Variants in WDFY3 observed in about 807,000 individuals in gnomAD.
The protein encoded by WDFY3 is WD repeat and FYVE domain-containing protein 3.
In WDFY3, 66 loss-of-function variants were observed where a neutral mutation model predicts 409.6. That is an observed-to-expected ratio of 0.16 (90% CI 0.13 to 0.20). The LOEUF is 0.20. Among genes scored for constraint, WDFY3 ranks in the 10% least tolerant of loss-of-function variants. The pLI is 1.00. For missense variants in WDFY3, 3,031 were observed against 4,298.1 expected (o/e 0.71, Z 8.24); for synonymous variants, 1,521 against 1,537.1 (o/e 0.99, Z 0.25).
At chr4:84,755,130 C>T (rs1578377071) in intron 34 of WDFY3, 136 bp downstream of exon 34, 1 of 1,287,764 alleles carries the variant, frequency 7.8e-7, no homozygotes, top group East Asian at 2.6e-5. Flanking sequence ...ATAATTTTGT[C>T]TAACATAAGA....
At chr4:84,933,450 A>G (rs1190726346) in intron 1 of WDFY3, among the ~76,000 whole-genome samples, 1 of 152,024 alleles carries the variant, frequency 6.6e-6, no homozygotes, top group African/African-American at 2.4e-5. Context: ...GGTACATGAG[A>G]TGTTTTAATA....
chr4:84,713,751 A>G (rs2149025282), intron 50 of WDFY3, among the ~76,000 whole-genome samples: 1 of 152,336 alleles, frequency 6.6e-6, no homozygotes, highest in African/African-American at 2.4e-5. Flanking sequence ...GTTAGTTCAG[A>G]ATAGCCTTAT....
In WDFY3 at chr4:84,688,190, G is replaced by A. The variant is rs150572140; in HGVS notation, c.9439C>T (p.Arg3147Cys). 12 of 1,614,100 alleles carry A rather than the reference G, an allele frequency of 7.4e-6. No homozygotes were observed. The highest frequency in any genetic ancestry group is 4.0e-5 in the African/African-American group (3 of 75,028). Residue 3147 changes from arginine (R) to cysteine (C), a missense_variant, in exon 62 of 68, where the codon CGT becomes TGT. Physicochemically the swap from Arg to Cys is radical, Grantham distance 180 (BLOSUM62 -3). This residue lies in a region of WDFY3 where 8 missense variants were observed against 30.3 expected (regional missense o/e 0.26). Transcript: ENST00000295888. ...TCCCAAATGATACAGGTTCGATCAC[G>A]GGACCCACTGACAATTATGTGATAG... The part of the protein sequence containing the change: ...LAYHIIVSGS[R>C]DRTCIIWDLN...
At chr4:84,731,503 G>A (rs770443286) in intron 44 of WDFY3, among the ~76,000 whole-genome samples, 6 of 152,120 alleles carry the variant, frequency 3.9e-5, no homozygotes, top group Non-Finnish European at 5.9e-5. Context: ...CTTCCTGACT[G>A]CTTTTTCCTT....
intron 5 of WDFY3, chr4:84,844,430 T>A (rs1175824431): frequency 2.3e-6 from 3 of 1,287,540 alleles, no homozygotes; most frequent in Admixed American, 4.6e-5. Context: ...TGACAATATA[T>A]AACCACATCT....
At chr4:84,705,605 A>G (rs1204399693) in intron 53 of WDFY3, 94 bp from the exon 54 acceptor site, 2 of 977,736 alleles carry the variant, frequency 2.0e-6, no homozygotes, top group Non-Finnish European at 3.2e-6. Context: ...ATGATGATTT[A>G]TAAACGCACT....
intron 17 of WDFY3, among the ~76,000 whole-genome samples, chr4:84,799,204 T>A (rs915931983): frequency 2.6e-5 from 4 of 152,142 alleles, no homozygotes; most frequent in Admixed American, 2.6e-4. Context: ...TCACTCAGAC[T>A]GGAGTGCAGT....
chr4:84,909,097 G>C (rs1342663917), intron 2 of WDFY3, among the ~76,000 whole-genome samples: 3 of 151,718 alleles, frequency 2.0e-5, no homozygotes, highest in Non-Finnish European at 4.4e-5. Flanking sequence ...CATAATACAG[G>C]GATAGAGTAA....
rs112680925 is a variant in WDFY3 at position 84,865,540 on chromosome 4, T to A, written c.-31-4918A>T. 3.3e-4 allele frequency among the ~76,000 whole-genome samples: 51 copies of A among 152,366 alleles called. 1 individual carries two copies. Among genetic ancestry groups the A allele is most frequent in the African/African-American group, 1.0e-3 (43 of 41,590 alleles). On this transcript the variant is annotated intron_variant, in intron 3 of 67. Coordinates refer to ENST00000295888, the MANE Select transcript of WDFY3 (RefSeq NM_014991.6). ...GGATGTCTGATCACCCTGGCCTGCC[T>A]TCGGCAAAAATCTTGTTAGGTCAGT...
chr4:84,787,602 A>G lies in WDFY3; in HGVS notation c.3781T>C (p.Leu1261=), dbSNP rs1050816531. The part of the protein sequence containing the change: ...TPPAQRQIAS[L]VWRLGPTHFL... ...TGTGTGGGTCCCAGGCGCCAAACCAATGAGGCAATTTGGCGTTGGGCAGGT... is the reference window on the plus strand; with the variant it reads ...TGTGTGGGTCCCAGGCGCCAAACCAGTGAGGCAATTTGGCGTTGGGCAGGT... Residue 1261 remains leucine (L), a synonymous_variant, in exon 23 of 68, where the codon TTG becomes CTG. Transcript: ENST00000295888. The G allele has an allele frequency of 3.1e-6, 5 of 1,614,074 alleles. No homozygotes were observed. Among genetic ancestry groups the G allele is most frequent in the African/African-American group, 1.3e-5 (1 of 74,926 alleles).
intron 36 of WDFY3, among the ~76,000 whole-genome samples, chr4:84,745,778 C>T (rs749434645): frequency 6.6e-6 from 1 of 151,986 alleles, no homozygotes; most frequent in Non-Finnish European, 1.5e-5. Flanking sequence ...AATACAATAG[C>T]GAGCAGGAGA....
At position 84,693,005 on chromosome 4, in the gene WDFY3, G is replaced by A. The variant is rs1406414804; in HGVS notation, c.8929C>T (p.Arg2977Ter). Residue 2977 changes from arginine to a stop codon, truncating the protein, a stop_gained, in exon 59 of 68, where the codon CGA (arginine) becomes TGA (stop). Coordinates refer to ENST00000295888, the MANE Select transcript of WDFY3 (RefSeq NM_014991.6). LOFTEE classifies it high-confidence loss of function. ...QLFKKPHPPKRVRSRLNGDNA... is the reference protein window; with the variant it reads ...QLFKKPHPPK ...TCTCCATTGAGTCGACTTCTCACTC[G>A]CTTTGGTGGATGAGGTTTTTTAAAT... 1 of 1,610,754 alleles carries A rather than the reference G, an allele frequency of 6.2e-7. No individual in the cohort carries two copies. Among genetic ancestry groups the A allele is most frequent in the Non-Finnish European group, 8.5e-7 (1 of 1,179,396 alleles).
chr4:84,926,527 T>C (rs1165073735), intron 2 of WDFY3, among the ~76,000 whole-genome samples: 1 of 152,196 alleles, frequency 6.6e-6, no homozygotes, highest in Admixed American at 6.5e-5. Flanking sequence ...TACATTTTCC[T>C]GAGTTCCCTT....
chr4:84,940,730 C>T (rs751222784), intron 1 of WDFY3, among the ~76,000 whole-genome samples: 6 of 151,916 alleles, frequency 3.9e-5, no homozygotes, highest in Non-Finnish European at 8.8e-5. Context: ...GAAAAAAAGA[C>T]TAGAAATTTC....
chr4:84,696,848 T>C, intron 56 of WDFY3, 25 bp from the exon 57 acceptor site: 1 of 1,568,602 alleles, frequency 6.4e-7, no homozygotes, highest in Non-Finnish European at 8.7e-7. Context: ...ACATTAAAAA[T>C]AAAAAAAAAG....
intron 2 of WDFY3, among the ~76,000 whole-genome samples, chr4:84,924,030 T>G (rs1769654038): frequency 6.6e-6 from 1 of 152,206 alleles, no homozygotes; most frequent in Non-Finnish European, 1.5e-5. Context: ...AATAGAAACA[T>G]TTATATAAAT....
chr4:84,918,815 GTA>G (rs759569387), intron 2 of WDFY3, among the ~76,000 whole-genome samples: 10,042 of 138,378 alleles, frequency 0.073, 455 homozygotes, highest in Admixed American at 0.14. Flanking sequence ...GTGTGTGTGT[GTA>G]TATATATATA....
intron 3 of WDFY3, among the ~76,000 whole-genome samples, chr4:84,869,443 T>C (rs188426106): frequency 6.6e-6 from 1 of 152,322 alleles, no homozygotes; most frequent in East Asian, 1.9e-4. Flanking sequence ...TTTCTTCTTT[T>C]CTAATTTTGG....
intron 5 of WDFY3, among the ~76,000 whole-genome samples, chr4:84,846,739 A>G (rs1200342709): frequency 1.3e-5 from 2 of 151,758 alleles, no homozygotes; most frequent in Admixed American, 1.3e-4. Flanking sequence ...AACTTTTAAG[A>G]ACAAGAACAG....
Sources: allele counts gnomAD v4.1 joint callset (sites outside exome capture counted in the v4.1 genomes callset), GRCh38; gene constraint gnomAD v4.1.1; regional missense constraint gnomAD v4.1.1; transcripts MANE v1.5; gene names NCBI Gene and HGNC (gene_info 2026-07-23, HGNC 2026-07-21).